SF3A3: variants seen among roughly 807,000 people sequenced by gnomAD.
SF3A3 encodes the protein SAP 61.
SF3A3 carries 9 observed loss-of-function variants against 85.8 expected under a neutral mutation model. The ratio of observed to expected loss-of-function variants is 0.10; its 90% CI spans 0.06 to 0.18. The LOEUF is 0.18. SF3A3 is among the 10% of genes least tolerant of loss of function. The pLI is 1.00. For missense variants in SF3A3, 306 were observed against 593.3 expected (o/e 0.52, Z 5.03); for synonymous variants, 195 against 204.4 (o/e 0.95, Z 0.39).
At chr1:37,984,342 C>T (rs1219514920) in intron 5 of SF3A3, 82 bp from the exon 6 acceptor site, 3 of 796,510 alleles carry the variant, frequency 3.8e-6, no homozygotes, top group East Asian at 5.2e-5. Context: ...CTGTGTGTTC[C>T]TAGTTTCCTG....
rs1210628766 is a variant in SF3A3 at position 37,958,237 on chromosome 1, A to G, written c.1455T>C (p.Asn485=). 4 of 1,612,124 alleles carry G rather than the reference A, an allele frequency of 2.5e-6. No homozygotes were observed. Among genetic ancestry groups the G allele is most frequent in the Non-Finnish European group, 2.5e-6 (3 of 1,178,126 alleles). ...TEEEYEDSSG[N]VVNKKTYEDL... ...CCTCGTATGTCTTCTTATTCACAAC[A>G]TTCCCACTTGAGTCTTCATATTCTT... The change falls in exon 17 of 17, where the codon AAT becomes AAC. Residue 485 remains asparagine, a synonymous_variant. Transcript: ENST00000373019.
At chr1:37,974,486 T>A (rs1646366411) in intron 12 of SF3A3, among the ~76,000 whole-genome samples, 1 of 152,026 alleles carries the variant, frequency 6.6e-6, no homozygotes. Flanking sequence ...ATACTTTTAG[T>A]AGAGACAGGG....
intron 7 of SF3A3, 141 bp downstream of exon 7, chr1:37,981,585 CATT>C (rs956367920): frequency 3.6e-5 from 24 of 662,086 alleles, no homozygotes; most frequent in Non-Finnish European, 2.1e-5. Flanking sequence ...AAAACCACAT[CATT>C]CATAACCCCA....
intron 12 of SF3A3, among the ~76,000 whole-genome samples, chr1:37,971,102 T>C (rs1646342017): frequency 6.6e-6 from 1 of 151,834 alleles, no homozygotes; most frequent in African/African-American, 2.4e-5. Flanking sequence ...ACAAAATTGA[T>C]AAGACCGCTA....
chr1:37,967,415 C>T (rs1335445195), intron 15 of SF3A3, among the ~76,000 whole-genome samples: 3 of 151,802 alleles, frequency 2.0e-5, no homozygotes, highest in Non-Finnish European at 4.4e-5. Flanking sequence ...TGTGGCGGCT[C>T]ATGCCTGTAA....
chr1:37,984,297 C>T (rs1335712191), intron 5 of SF3A3, 37 bp from the exon 6 acceptor site: 2 of 1,224,006 alleles, frequency 1.6e-6, no homozygotes, highest in Non-Finnish European at 2.4e-6. Context: ...TCAGTTTCTA[C>T]AGACCACTCT....
chr1:37,971,047 C>CAA (rs58499400), intron 12 of SF3A3, among the ~76,000 whole-genome samples: 1 of 151,390 alleles, frequency 6.6e-6, no homozygotes, highest in African/African-American at 2.4e-5. Context: ...AAAAACCCTT[C>CAA]AAAAAAAATC....
intron 9 of SF3A3, 141 bp from the exon 10 acceptor site, chr1:37,979,196 C>T (rs938038713): frequency 1.2e-5 from 8 of 692,748 alleles, no homozygotes; most frequent in African/African-American, 7.2e-5. Context: ...TCTAAACTCT[C>T]CAGAGGACTG....
At chr1:37,987,091 T>A (rs537722873) in intron 4 of SF3A3, among the ~76,000 whole-genome samples, 1 of 152,172 alleles carries the variant, frequency 6.6e-6, no homozygotes, top group East Asian at 1.9e-4. Flanking sequence ...TGACTTCTTT[T>A]TTTTGAGACA....
chr1:37,980,116 A>G (rs1319487004), intron 8 of SF3A3, among the ~76,000 whole-genome samples: 2 of 66,082 alleles, frequency 3.0e-5, no homozygotes, highest in Admixed American at 1.7e-4. Context: ...GTCTTGCTCC[A>G]AAGTACACTC....
At chr1:37,989,704 G>A (rs1646481645) in intron 1 of SF3A3, 109 bp from the exon 2 acceptor site, 4 of 1,362,974 alleles carry the variant, frequency 2.9e-6, no homozygotes, top group Admixed American at 2.2e-5. Flanking sequence ...GAGGCAGAAA[G>A]GCCTCTGGGG....
intron 9 of SF3A3, 160 bp downstream of exon 9, chr1:37,979,305 G>A: frequency 1.5e-6 from 1 of 645,320 alleles, no homozygotes; most frequent in Non-Finnish European, 2.7e-6. Context: ...TTCCCAAGTA[G>A]TAATTTTTTT....
intron 4 of SF3A3, among the ~76,000 whole-genome samples, chr1:37,985,419 T>G (rs1178503002): frequency 6.6e-6 from 1 of 151,880 alleles, no homozygotes; most frequent in Non-Finnish European, 1.5e-5. Flanking sequence ...GGAGTTTTTT[T>G]TTTAAATCCT....
chr1:37,965,939 G>A (rs1350858490), intron 15 of SF3A3, among the ~76,000 whole-genome samples: 2 of 152,130 alleles, frequency 1.3e-5, no homozygotes, highest in African/African-American at 4.8e-5. Flanking sequence ...GGTGGCTAAC[G>A]CCTGTAATCC....
At chr1:37,967,949 C>T in intron 15 of SF3A3, 95 bp downstream of exon 15, 1 of 749,632 alleles carries the variant, frequency 1.3e-6, no homozygotes, top group Non-Finnish European at 2.5e-6. Context: ...CAACCTACTG[C>T]CTTTAACCCT....
At chr1:37,978,661 A>G (rs6660034) in intron 11 of SF3A3, 59 bp downstream of exon 11, 997,364 of 1,132,424 alleles carry the variant, frequency 0.88, 440,329 homozygotes, top group East Asian at 1. Flanking sequence ...GTGGTTAAAA[A>G]TTCTGCATGG....
rs34369006 is a variant in SF3A3 at position 37,967,677 on chromosome 1, C to CAAAAAAAAAAA, written c.1372+356_1372+366dup. Among the ~76,000 whole-genome samples the CAAAAAAAAAAA allele has an allele frequency of 3.8e-4, 17 of 44,276 alleles. 2 individuals carry two copies. Among genetic ancestry groups the CAAAAAAAAAAA allele is most frequent in the Middle Eastern group, 0.031 (1 of 32 alleles). 29.0% of individuals were successfully genotyped at this position (44,276 alleles called of 152,430 possible). A position where few individuals can be genotyped will look rare whatever the true frequency, so the allele number is the denominator to read the frequency against. On this transcript the variant is annotated intron_variant, in intron 15 of 16. Transcript: ENST00000373019. Reference sequence around the variant, plus strand: ...TGGGCGACAGAGTGAGACTCCGTCACAAAAAAAAAAAAAAAAAAAAAAAAA... The same window carrying CAAAAAAAAAAA: ...TGGGCGACAGAGTGAGACTCCGTCACAAAAAAAAAAAAAAAAAAAAAAAAAAAAAAAAAAAA...
intron 4 of SF3A3, 121 bp downstream of exon 4, chr1:37,987,452 A>C (rs1646464911): frequency 1.4e-6 from 1 of 720,446 alleles, no homozygotes; most frequent in Non-Finnish European, 2.4e-6. Flanking sequence ...TGGTCCTTGC[A>C]GCTAAATGGC....
rs201307446 is a variant in SF3A3, at chr1:37,989,312, A to AGAAG, written c.144+235_144+236insCTTC. Among the ~76,000 whole-genome samples, 5 of 139,998 alleles carry AGAAG rather than the reference A, an allele frequency of 3.6e-5. No individual in the cohort carries two copies. The South Asian group carries it at 6.4e-4, about 18-fold the overall frequency. 91.8% of individuals were successfully genotyped at this position (139,998 alleles called of 152,430 possible). ...TCCGTCCAAAAGAAGAAGAAGAAGA[A>AGAAG]AAAAAAAAAGGGCACCTTTCTGATT... On this transcript the variant is annotated intron_variant, in intron 2 of 16. Coordinates refer to ENST00000373019, the MANE Select transcript of SF3A3 (RefSeq NM_006802.4).
Sources: gnomAD v4.1 joint callset for allele counts (sites outside exome capture counted in the v4.1 genomes callset) on GRCh38, gnomAD v4.1.1 for gene constraint, MANE v1.5 for transcripts, NCBI Gene and HGNC (gene_info 2026-07-23, HGNC 2026-07-21) for gene names.